ABHD18: variants seen among roughly 807,000 people sequenced by gnomAD.
The protein encoded by ABHD18 is cardiolipin-specific deacylase, mitochondrial.
Under a neutral mutation model 65.9 loss-of-function variants are expected in ABHD18, and 55 were observed. The ratio of observed to expected loss-of-function variants is 0.84; its 90% CI spans 0.67 to 1.05. The LOEUF is 1.05. ABHD18 is among the 50% of genes least tolerant of loss of function. The pLI, the probability that ABHD18 is intolerant of heterozygous loss-of-function variation, is 0.00. For missense variants in ABHD18, 533 were observed against 558.5 expected, an observed-to-expected ratio of 0.95 and a Z score of 0.46; for synonymous variants, 181 against 180.2, an observed-to-expected ratio of 1.00 and a Z score of -0.04.
intron 4 of ABHD18, among the ~76,000 whole-genome samples, chr4:127,991,220 C>T (rs911947775): frequency 2.6e-5 from 4 of 151,822 alleles, no homozygotes; most frequent in African/African-American, 9.7e-5. Context: ...GAGATGGAAT[C>T]TCACTCTGTC....
rs561629219 is a variant in ABHD18 at position 128,017,426 on chromosome 4, T to C, written c.534T>C (p.Ser178=). 2 of 1,613,746 alleles carry C rather than the reference T, an allele frequency of 1.2e-6. No homozygotes were observed. Among genetic ancestry groups the C allele is most frequent in the South Asian group, 2.2e-5 (2 of 91,022 alleles). Reference sequence around the variant, plus strand: ...TGGGAGGAGCTCTTGTTTTAGAATCTGCAGCTCTCTTGCACTGGCTAGAGA... The same window carrying C: ...TGGGAGGAGCTCTTGTTTTAGAATCCGCAGCTCTCTTGCACTGGCTAGAGA... The part of the protein sequence containing the change: ...FVMGGALVLE[S]AALLHWLERE... Residue 178 remains serine (S), a synonymous_variant, in exon 8 of 13, where the codon TCT becomes TCC. Transcript: ENST00000645843.
intron 8 of ABHD18, among the ~76,000 whole-genome samples, chr4:128,019,729 G>A (rs1334814505): frequency 6.6e-6 from 1 of 152,118 alleles, no homozygotes; most frequent in East Asian, 1.9e-4. Flanking sequence ...TTATAGTTGT[G>A]ATTTTGCTCT....
chr4:127,994,250 T>G (rs1751383934), intron 4 of ABHD18, among the ~76,000 whole-genome samples: 2 of 152,226 alleles, frequency 1.3e-5, no homozygotes, highest in Non-Finnish European at 2.9e-5. Context: ...GGACAGCCTA[T>G]ATTGGAAATT....
At chr4:127,991,707 T>C (rs1184151546) in intron 4 of ABHD18, among the ~76,000 whole-genome samples, 1 of 152,212 alleles carries the variant, frequency 6.6e-6, no homozygotes, top group African/African-American at 2.4e-5. Context: ...TTTCTTCTTT[T>C]AAGATTTTGT....
chr4:128,033,636 C>T (rs1239218787), intron 12 of ABHD18, among the ~76,000 whole-genome samples: 2 of 148,970 alleles, frequency 1.3e-5, no homozygotes, highest in African/African-American at 4.9e-5. Context: ...CCTGGGTTCA[C>T]GGCATTCTCA....
chr4:128,024,487 T>C (rs1757036918), intron 10 of ABHD18, among the ~76,000 whole-genome samples: 1 of 152,136 alleles, frequency 6.6e-6, no homozygotes, highest in South Asian at 2.1e-4. Context: ...ATAACGAATA[T>C]TCAATAAATG....
chr4:128,007,984 C>T (rs1463336440), intron 4 of ABHD18, among the ~76,000 whole-genome samples: 2 of 152,052 alleles, frequency 1.3e-5, no homozygotes, highest in Non-Finnish European at 2.9e-5. Context: ...TTTCTTTTGG[C>T]TAGGCATGGT....
At position 127,987,607 on chromosome 4, in the gene ABHD18, G is replaced by A. The variant is rs568800550; in HGVS notation, c.178-2114G>A. Among the ~76,000 whole-genome samples the A allele has an allele frequency of 5.3e-5, 8 of 151,900 alleles. No individual in the cohort carries two copies. In the South Asian group the frequency reaches 1.5e-3, roughly 28 times the overall value. ...CATGCCTGTAGTCCCAGCTACTCAG[G>A]AGGCTGAAGCAGGAGAATTGCTTGA... On this transcript the variant is annotated intron_variant, in intron 3 of 12. Coordinates refer to ENST00000645843, the MANE Select transcript of ABHD18 (RefSeq NM_001358451.3).
At chr4:128,014,392 G>A (rs2149147594) in intron 7 of ABHD18, among the ~76,000 whole-genome samples, 1 of 152,256 alleles carries the variant, frequency 6.6e-6, no homozygotes, top group Middle Eastern at 3.4e-3. Context: ...GGTCTAGTGA[G>A]AGGCAGCCTG....
rs199862084 is a variant in ABHD18, at chr4:127,989,811, G to C, written c.268G>C (p.Val90Leu). Reference protein sequence around the residue: ...YVPDIMPIESVIARFQFIVPK... With the variant: ...YVPDIMPIESLIARFQFIVPK... ...GCCTGATATCATGCCAATTGAATCT[G>C]TTATTGCAAGGTAAGAATTTTTTTG... Residue 90 changes from valine (V) to leucine (L), a missense_variant, in exon 4 of 13, where the codon GTT becomes CTT. Val to Leu is a conservative substitution (Grantham distance 32, BLOSUM62 1). This residue lies in a region of ABHD18 where 309 missense variants were observed against 313.5 expected (regional missense o/e 0.99). Coordinates refer to ENST00000645843, the MANE Select transcript of ABHD18 (RefSeq NM_001358451.3). 1 of 1,564,202 alleles carries C rather than the reference G, an allele frequency of 6.4e-7. No individual in the cohort carries two copies.
intron 1 of ABHD18, among the ~76,000 whole-genome samples, chr4:127,967,536 A>C (rs1438668812): frequency 6.6e-6 from 1 of 152,156 alleles, no homozygotes; most frequent in Non-Finnish European, 1.5e-5. Context: ...TTCTGTTTAT[A>C]GGTTAAGGTG....
At chr4:127,993,231 G>T (rs1291565604) in intron 4 of ABHD18, among the ~76,000 whole-genome samples, 1 of 151,988 alleles carries the variant, frequency 6.6e-6, no homozygotes, top group African/African-American at 2.4e-5. Context: ...CACCTTATCT[G>T]GACAGTTATA....
chr4:128,028,452 T>G lies in ABHD18; in HGVS notation c.802-23T>G. 3 of 1,445,300 alleles carry G rather than the reference T, an allele frequency of 2.1e-6. No homozygotes were observed. The South Asian group carries it at 4.8e-5, about 23-fold the overall frequency. 89.5% of individuals were successfully genotyped at this position (1,445,300 alleles called of 1,614,324 possible). ...TACCCTATTTTATATTAAATAATGT[T>G]TTCTTTCCTTTCATATGTTCAGACA... On this transcript the variant is annotated intron_variant, in intron 10 of 12. Coordinates refer to ENST00000645843, the MANE Select transcript of ABHD18 (RefSeq NM_001358451.3).
intron 7 of ABHD18, 149 bp downstream of exon 7, chr4:128,011,849 A>G: frequency 4.2e-6 from 2 of 477,548 alleles, no homozygotes; most frequent in South Asian, 5.0e-5. Context: ...TAGTATGAAT[A>G]CTGACTTTAA....
At chr4:127,983,737 C>T (rs1010356410) in intron 2 of ABHD18, among the ~76,000 whole-genome samples, 4 of 152,094 alleles carry the variant, frequency 2.6e-5, no homozygotes, top group African/African-American at 9.7e-5. Flanking sequence ...TGGTGACGGG[C>T]ACCTGTAATC....
chr4:128,001,893 G>T, intron 4 of ABHD18: 2 of 1,053,536 alleles, frequency 1.9e-6, no homozygotes, highest in South Asian at 2.4e-5. Flanking sequence ...GACCCTTTCA[G>T]TTTGAAAAAA....
intron 1 of ABHD18, among the ~76,000 whole-genome samples, chr4:127,968,354 C>T (rs1248682842): frequency 6.6e-6 from 1 of 152,222 alleles, no homozygotes; most frequent in Non-Finnish European, 1.5e-5. Context: ...TTCTTAGCTA[C>T]TTAAACTTGT....
chr4:128,000,129 C>T (rs1031727340), intron 4 of ABHD18, among the ~76,000 whole-genome samples: 14 of 152,312 alleles, frequency 9.2e-5, no homozygotes, highest in African/African-American at 3.4e-4. Flanking sequence ...CAACTACCTC[C>T]CACCAGGTCC....
intron 10 of ABHD18, among the ~76,000 whole-genome samples, chr4:128,024,957 G>T (rs188419173): frequency 6.6e-6 from 1 of 152,042 alleles, no homozygotes; most frequent in African/African-American, 2.4e-5. Flanking sequence ...CTTCCAAAGT[G>T]CTGGTATTAC....
Sources: gnomAD v4.1 joint callset for allele counts (sites outside exome capture counted in the v4.1 genomes callset) on GRCh38, gnomAD v4.1.1 for gene constraint, gnomAD v4.1.1 regional missense constraint, MANE v1.5 for transcripts, NCBI Gene and HGNC (gene_info 2026-07-23, HGNC 2026-07-21) for gene names.